Variants in CAMK1D observed in about 807,000 individuals in gnomAD.
The protein encoded by CAMK1D is calcium/calmodulin dependent protein kinase ID.
Under a neutral mutation model 47.7 loss-of-function variants are expected in CAMK1D, and 9 were observed. The ratio of observed to expected loss-of-function variants is 0.19; its 90% confidence interval spans 0.11 to 0.33. The LOEUF (loss-of-function observed/expected upper bound fraction) is 0.33, where lower values mean the gene tolerates loss of function less well. Among genes scored for constraint, CAMK1D ranks in the 10% least tolerant of loss-of-function variants. The pLI is 1.00. For synonymous variants in CAMK1D, 184 were observed against 184.9 expected (o/e 0.99, Z 0.04); for missense variants, 291 against 488.7 (o/e 0.60, Z 3.81).
intron 1 of CAMK1D, among the ~76,000 whole-genome samples, chr10:12,356,721 C>CAA (rs71384311): frequency 4.0e-5 from 3 of 74,960 alleles, no homozygotes; most frequent in East Asian, 3.3e-4. Context: ...GACTCCATTT[C>CAA]AAAAAAAAAA....
chr10:12,738,402 C>T (rs1038198615), intron 3 of CAMK1D, among the ~76,000 whole-genome samples: 8 of 152,152 alleles, frequency 5.3e-5, no homozygotes, highest in Admixed American at 1.3e-4. Flanking sequence ...TCTTTCCTGT[C>T]GTCGTTTGTC....
intron 1 of CAMK1D, among the ~76,000 whole-genome samples, chr10:12,446,054 A>C (rs1832915732): frequency 6.6e-6 from 1 of 152,218 alleles, no homozygotes; most frequent in South Asian, 2.1e-4. Flanking sequence ...TATGAAATAC[A>C]GTCTCTTTGC....
At chr10:12,483,388 A>G (rs1834120214) in intron 1 of CAMK1D, among the ~76,000 whole-genome samples, 1 of 152,028 alleles carries the variant, frequency 6.6e-6, no homozygotes, top group Non-Finnish European at 1.5e-5. Flanking sequence ...TTTTGTAGAG[A>G]CAGGGTCTTG....
At chr10:12,448,190 T>C (rs999787844) in intron 1 of CAMK1D, among the ~76,000 whole-genome samples, 31 of 151,702 alleles carry the variant, frequency 2.0e-4, no homozygotes, top group African/African-American at 7.5e-4. Flanking sequence ...TTTTTATTTT[T>C]ACTTATTTTT....
intron 1 of CAMK1D, among the ~76,000 whole-genome samples, chr10:12,474,196 G>T (rs534067168): frequency 8.5e-6 from 1 of 117,734 alleles, no homozygotes; most frequent in African/African-American, 3.2e-5. Context: ...AATGAGGATC[G>T]TTCTTTTTTT....
chr10:12,667,859 G>C (rs1391945791), intron 3 of CAMK1D, among the ~76,000 whole-genome samples: 1 of 152,132 alleles, frequency 6.6e-6, no homozygotes, highest in Non-Finnish European at 1.5e-5. Context: ...GGTGCATTTA[G>C]TTAACCTTTC....
At chr10:12,368,757 A>AG (rs1455975956) in intron 1 of CAMK1D, among the ~76,000 whole-genome samples, 1 of 151,734 alleles carries the variant, frequency 6.6e-6, no homozygotes. Context: ...AAAAAAAAAA[A>AG]AGAAAGAGTA....
At chr10:12,649,204 G>T (rs1839893609) in intron 2 of CAMK1D, among the ~76,000 whole-genome samples, 1 of 152,236 alleles carries the variant, frequency 6.6e-6, no homozygotes, top group Admixed American at 6.5e-5. Context: ...TGCCAAGTTG[G>T]CGTACACACT....
intron 1 of CAMK1D, among the ~76,000 whole-genome samples, chr10:12,421,361 A>G (rs1487723974): frequency 6.6e-6 from 1 of 152,088 alleles, no homozygotes; most frequent in Admixed American, 6.6e-5. Flanking sequence ...GCTTTGCCCG[A>G]TGATGTCCCG....
At chr10:12,582,445 G>A (rs1837690229) in intron 2 of CAMK1D, among the ~76,000 whole-genome samples, 1 of 151,992 alleles carries the variant, frequency 6.6e-6, no homozygotes, top group Non-Finnish European at 1.5e-5. Context: ...TATTTTGATG[G>A]GAATTGCATG....
Position 12,835,157 on chromosome 10 carries a change from ATC to A in CAMK1D, c.*6275_*6276del, listed in dbSNP as rs1177169404. On this transcript the variant is annotated 3_prime_UTR_variant, in exon 11 of 11. Transcript: ENST00000619168. ...TCTGTCCAGAATAAACATTGGAACA[ATC>A]TCTCAATTGGCTTTTGTCACTACAC... is the stretch of plus-strand genomic sequence containing the variant. 1 of 152,140 alleles carries A rather than the reference ATC, an allele frequency of 6.6e-6. No individual in the cohort carries two copies. The highest frequency in any genetic ancestry group is 1.5e-5 in the Non-Finnish European group (1 of 68,030). 9.4% of individuals were successfully genotyped at this position (152,140 alleles called of 1,614,324 possible).
intron 3 of CAMK1D, among the ~76,000 whole-genome samples, chr10:12,702,239 G>A (rs753282893): frequency 2.6e-5 from 4 of 152,198 alleles, no homozygotes. Context: ...TCTTGGTGGC[G>A]AGGAAGTGAA....
intron 6 of CAMK1D, among the ~76,000 whole-genome samples, chr10:12,791,728 C>T (rs11257993): frequency 0.073 from 11,106 of 152,190 alleles, 914 homozygotes; most frequent in East Asian, 0.39. Context: ...CTTGGTCCGT[C>T]GATAGACATT....
intron 2 of CAMK1D, among the ~76,000 whole-genome samples, chr10:12,598,675 G>A (rs1166692041): frequency 6.6e-6 from 1 of 152,192 alleles, no homozygotes; most frequent in Non-Finnish European, 1.5e-5. Flanking sequence ...AAGGTCTGAA[G>A]GGAGGAAAAG....
Position 12,833,567 on chromosome 10 carries a change from A to G in CAMK1D, c.*4680A>G, listed in dbSNP as rs1833455355. 1 of 152,224 alleles carries G rather than the reference A, an allele frequency of 6.6e-6. No homozygotes were observed. Among genetic ancestry groups the G allele is most frequent in the Non-Finnish European group, 1.5e-5 (1 of 68,044 alleles). 9.4% of individuals were successfully genotyped at this position (152,224 alleles called of 1,614,324 possible). On this transcript the variant is annotated 3_prime_UTR_variant, in exon 11 of 11. Transcript: ENST00000619168. ...GAGGCCACGCTGGAACCATTGCTCT[A>G]GGGCTGAAGGTGGAAGTAGGGCCAC...
chr10:12,363,857 G>A lies in CAMK1D; in HGVS notation c.92+13947G>A, dbSNP rs930268848. 2.0e-5 allele frequency among the ~76,000 whole-genome samples: 3 copies of A among 151,862 alleles called. No homozygotes were observed. In the East Asian group the frequency reaches 5.8e-4, roughly 29 times the overall value. ...CTAATTTTTGTTTATTCATTCGTGT[G>A]TTAATGGACACAGGTTGCTTCCACC... On this transcript the variant is annotated intron_variant, in intron 1 of 10. Coordinates refer to ENST00000619168, the MANE Select transcript of CAMK1D (RefSeq NM_153498.4).
At chr10:12,557,504 A>G (rs1394402368) in intron 2 of CAMK1D, among the ~76,000 whole-genome samples, 1 of 148,488 alleles carries the variant, frequency 6.7e-6, no homozygotes, top group Non-Finnish European at 1.5e-5. Flanking sequence ...GTGAGCCCAG[A>G]TCGCGCCACT....
chr10:12,801,355 T>TCTA (rs1838458699), intron 6 of CAMK1D, among the ~76,000 whole-genome samples: 8 of 12,606 alleles, frequency 6.3e-4, no homozygotes, highest in African/African-American at 2.7e-3. Flanking sequence ...CTATCTATCT[T>TCTA]ATCTATCTAT....
chr10:12,419,935 A>G (rs2131963901), intron 1 of CAMK1D, among the ~76,000 whole-genome samples: 1 of 151,952 alleles, frequency 6.6e-6, no homozygotes, highest in South Asian at 2.1e-4. Context: ...TTTCAGCCTT[A>G]GTGAAAAATG....
Sources: gnomAD v4.1 joint callset for allele counts (sites outside exome capture counted in the v4.1 genomes callset) on GRCh38, gnomAD v4.1.1 for gene constraint, MANE v1.5 for transcripts, NCBI Gene and HGNC (gene_info 2026-07-23, HGNC 2026-07-21) for gene names.